Variants in OTOGL observed in about 807,000 individuals in gnomAD.
The protein encoded by OTOGL is otogelin-like protein.
Under a neutral mutation model 318.5 loss-of-function variants are expected in OTOGL, and 285 were observed. The ratio of observed to expected loss-of-function variants is 0.89; its 90% CI spans 0.81 to 0.99. The LOEUF (loss-of-function observed/expected upper bound fraction) is 0.99, where lower values mean the gene tolerates loss of function less well. Among genes scored for constraint, OTOGL ranks in the 50% least tolerant of loss-of-function variants. The probability of loss-of-function intolerance (pLI) is 0.00; values close to 1 mark genes in which losing one functional copy is unlikely to be tolerated. For synonymous variants in OTOGL, 987 were observed against 936.5 expected (o/e 1.05, Z -0.99); for missense variants, 2,899 against 2,845.6 (o/e 1.02, Z -0.43).
At chr12:80,358,977 A>C in intron 52 of OTOGL, 77 bp downstream of exon 52, 1 of 1,203,478 alleles carries the variant, frequency 8.3e-7, no homozygotes, top group Non-Finnish European at 1.1e-6. Context: ...CTCATTTCTA[A>C]ATTCTTCTTA....
At chr12:80,142,527 T>A (rs1872019185) in intron 1 of OTOGL, among the ~76,000 whole-genome samples, 1 of 152,192 alleles carries the variant, frequency 6.6e-6, no homozygotes, top group South Asian at 2.1e-4. Context: ...TGTTGTTTAA[T>A]GTAAGATATC....
intron 1 of OTOGL, among the ~76,000 whole-genome samples, chr12:80,124,487 G>A (rs539538087): frequency 9.7e-4 from 147 of 152,266 alleles, no homozygotes; most frequent in African/African-American, 3.4e-3. Flanking sequence ...CTCCAGCTTT[G>A]TTCTTTTGGC....
chr12:80,297,044 T>C, intron 27 of OTOGL, 83 bp downstream of exon 27: 4 of 1,246,442 alleles, frequency 3.2e-6, no homozygotes, highest in Non-Finnish European at 4.3e-6. Context: ...GGTCTACTCC[T>C]CTCTGTAAAT....
chr12:80,223,209 T>C (rs1411393089), intron 7 of OTOGL, among the ~76,000 whole-genome samples: 5 of 152,004 alleles, frequency 3.3e-5, no homozygotes. Context: ...GGAAATGCCA[T>C]TATTTTGTTC....
chr12:80,326,923 A>T (rs1386432966), intron 35 of OTOGL, among the ~76,000 whole-genome samples: 1 of 152,198 alleles, frequency 6.6e-6, no homozygotes, highest in Non-Finnish European at 1.5e-5. Flanking sequence ...GTTTGTTTCC[A>T]TCTGGAATGA....
intron 29 of OTOGL, among the ~76,000 whole-genome samples, chr12:80,308,714 C>G (rs1038101398): frequency 2.0e-4 from 30 of 152,342 alleles, no homozygotes; most frequent in African/African-American, 7.0e-4. Context: ...TCTGCAATCC[C>G]GGCACCTTGG....
At position 80,339,298 on chromosome 12, in the gene OTOGL, G is replaced by GGTTTT. The variant is rs1183997607; in HGVS notation, c.5050+34_5050+35insGTTTT. The GGTTTT allele has an allele frequency of 6.7e-6, 3 of 445,020 alleles. No individual in the cohort carries two copies. The African/African-American group carries it at 1.0e-4, about 15-fold the overall frequency. 27.6% of individuals were successfully genotyped at this position (445,020 alleles called of 1,614,324 possible). ...TGCCCTTCAAATCTTGATTTCGTCT[G>GGTTTT]TTTTTTTTTTTTTTTTTTTTTTTTT... On this transcript the variant is annotated intron_variant, in intron 43 of 58. Transcript: ENST00000547103.
intron 1 of OTOGL, among the ~76,000 whole-genome samples, chr12:80,143,908 C>T (rs1294149206): frequency 2.0e-5 from 3 of 152,030 alleles, no homozygotes; most frequent in Non-Finnish European, 4.4e-5. Context: ...ATATCTAGTT[C>T]TTCCATGCTA....
intron 1 of OTOGL, chr12:80,131,191 C>G (rs1871217483): frequency 6.6e-6 from 1 of 151,794 alleles, no homozygotes; most frequent in Non-Finnish European, 1.5e-5. Context: ...CCAACTACCC[C>G]CTGTCTTTGC....
chr12:80,267,253 A>T lies in OTOGL; in HGVS notation c.2391A>T (p.Ile797=). 1 of 1,532,476 alleles carries T rather than the reference A, an allele frequency of 6.5e-7. No individual in the cohort carries two copies. The highest frequency in any genetic ancestry group is 8.9e-7 in the Non-Finnish European group (1 of 1,121,322). The allele number at this position is 1,532,476 out of a possible 1,614,324, so 94.9% of individuals were successfully genotyped here. ...TTTACTTTACTTTTTCTTCGTATAG[A>T]TTCCACTGCCGTTGTCATTATAGGG... ...YEDTLNFCVP[I]FHCRCHYRGS... The change falls in exon 22 of 59, where the codon ATA becomes ATT. Residue 797 remains isoleucine (I), a splice_region_variant and synonymous_variant. Coordinates refer to ENST00000547103, the MANE Select transcript of OTOGL (RefSeq NM_001378609.3).
At chr12:80,155,556 AATAAT>A (rs1873059389) in intron 1 of OTOGL, among the ~76,000 whole-genome samples, 1 of 152,222 alleles carries the variant, frequency 6.6e-6, no homozygotes. Flanking sequence ...TGCAATGCAT[AATAAT>A]CACATCAAGT....
chr12:80,262,175 T>G, intron 19 of OTOGL, 82 bp downstream of exon 19: 2 of 1,291,518 alleles, frequency 1.5e-6, no homozygotes, highest in Non-Finnish European at 2.0e-6. Flanking sequence ...TAAAATTAGA[T>G]AGTTTAAATT....
At chr12:80,307,798 C>G (rs1471171902) in intron 29 of OTOGL, among the ~76,000 whole-genome samples, 48 of 135,416 alleles carry the variant, frequency 3.5e-4, no homozygotes, top group South Asian at 7.2e-4. Context: ...GGGCTCCTCA[C>G]TTCCCAGTAG....
chr12:80,309,889 T>C (rs1265843700), intron 29 of OTOGL, among the ~76,000 whole-genome samples: 1 of 152,128 alleles, frequency 6.6e-6, no homozygotes, highest in Non-Finnish European at 1.5e-5. Context: ...GTGACTAGTA[T>C]ATTCAGGGCG....
At chr12:80,377,096 GAATA>G in intron 57 of OTOGL, 23 bp from the exon 58 acceptor site, 2 of 1,531,804 alleles carry the variant, frequency 1.3e-6, no homozygotes, top group Non-Finnish European at 1.8e-6. Context: ...GGCCTTTGAT[GAATA>G]AATACATTTT....
At chr12:80,196,841 G>A (rs1380464851) in intron 1 of OTOGL, among the ~76,000 whole-genome samples, 2 of 152,108 alleles carry the variant, frequency 1.3e-5, no homozygotes, top group Non-Finnish European at 2.9e-5. Context: ...CCTCCTCTAG[G>A]CCAGGGCCTT....
intron 46 of OTOGL, among the ~76,000 whole-genome samples, chr12:80,355,224 C>CTTTTTTTTTTTTTTTTTTTTTTTTTTT (rs11343611): frequency 1.5e-5 from 1 of 65,602 alleles, no homozygotes; most frequent in African/African-American, 6.0e-5. Flanking sequence ...TTCTTTCTTT[C>CTTTTTTTTTTTTTTTTTTTTTTTTTTT]TTTTCTTTTT....
At chr12:80,262,748 A>G (rs545098308) in intron 19 of OTOGL, among the ~76,000 whole-genome samples, 2 of 152,318 alleles carry the variant, frequency 1.3e-5, no homozygotes, top group South Asian at 4.1e-4. Flanking sequence ...GTATATATTC[A>G]GATAGAAGAT....
chr12:80,243,440 C>G (rs559047212), intron 11 of OTOGL, among the ~76,000 whole-genome samples: 1 of 151,836 alleles, frequency 6.6e-6, no homozygotes, highest in South Asian at 2.1e-4. Flanking sequence ...TACTCCTACC[C>G]TAAAAGTATG....
Sources: gnomAD v4.1 joint callset for allele counts (sites outside exome capture counted in the v4.1 genomes callset) on GRCh38, gnomAD v4.1.1 for gene constraint, MANE v1.5 for transcripts, NCBI Gene and HGNC (gene_info 2026-07-23, HGNC 2026-07-21) for gene names.